Variants in NBPF12 observed in about 807,000 individuals in gnomAD.
NBPF12 encodes the protein NBPF member 12.
In NBPF12, 115 loss-of-function variants were observed where a neutral mutation model predicts 146.4. The ratio of observed to expected loss-of-function variants is 0.79; its 90% CI spans 0.68 to 0.92. NBPF12 has a LOEUF of 0.92. NBPF12 is among the 40% of genes least tolerant of loss of function. The pLI, the probability that NBPF12 is intolerant of heterozygous loss-of-function variation, is 0.00. For synonymous variants in NBPF12, 385 were observed against 508.9 expected (o/e 0.76, Z 3.28); for missense variants, 1,205 against 1,326.8 (o/e 0.91, Z 1.43).
At chr1:146,978,008 T>C (rs1657154504) in intron 18 of NBPF12, among the ~76,000 whole-genome samples, 3 of 151,990 alleles carry the variant, frequency 2.0e-5, no homozygotes, top group African/African-American at 7.3e-5. Flanking sequence ...TCCATGGAGT[T>C]TCTATGCCTG....
At chr1:146,970,130 T>A (rs1248339531) in intron 11 of NBPF12, among the ~76,000 whole-genome samples, 1 of 150,728 alleles carries the variant, frequency 6.6e-6, no homozygotes, top group African/African-American at 2.5e-5. Context: ...GCACTTGATG[T>A]GGGGGCATTT....
At chr1:146,949,818 C>CCACG (rs1655245100) in intron 1 of NBPF12, among the ~76,000 whole-genome samples, 1 of 151,960 alleles carries the variant, frequency 6.6e-6, no homozygotes, top group African/African-American at 2.4e-5. Context: ...ACTCCAGAGG[C>CCACG]CACGTGCTTT....
upstream of NBPF12, among the ~76,000 whole-genome samples, chr1:146,946,450 T>C (rs1229889705): frequency 8.0e-5 from 12 of 149,818 alleles, no homozygotes; most frequent in African/African-American, 3.0e-4. Context: ...ATTTTGAGCA[T>C]CTTTCTCATA....
Position 146,951,989 on chromosome 1 carries a change from A to G in NBPF12, c.-184+500A>G, listed in dbSNP as rs1570821624. 1.1e-4 allele frequency: 17 copies of G among 158,842 alleles called. No individual in the cohort carries two copies. The South Asian group carries it at 3.0e-3, about 28-fold the overall frequency. 9.8% of individuals were successfully genotyped at this position (158,842 alleles called of 1,614,324 possible). On this transcript the variant is annotated intron_variant, in intron 2 of 33. Transcript: ENST00000617844. ...ACATGCTTCCAAAAACAAAGTAGCC[A>G]AAAAGAAACCAGAGTCACAGAATAT... is the stretch of plus-strand genomic sequence containing the variant.
intron 7 of NBPF12, 93 bp downstream of exon 10, chr1:146,964,522 G>C: frequency 6.3e-7 from 1 of 1,580,066 alleles, no homozygotes. Flanking sequence ...TGGGCCAAAA[G>C]CCCGCATTCC....
At chr1:146,970,294 G>T (rs1656510857) in intron 11 of NBPF12, among the ~76,000 whole-genome samples, 1 of 150,794 alleles carries the variant, frequency 6.6e-6, no homozygotes, top group Non-Finnish European at 1.5e-5. Flanking sequence ...AATGAGGTTT[G>T]AAATGCGAAC....
In NBPF12 at chr1:146,964,513, G is replaced by T; in HGVS notation, c.566+84G>T. 7.6e-6 allele frequency: 12 copies of T among 1,587,314 alleles called. No homozygotes were observed. The Admixed American group carries it at 1.7e-4, about 22-fold the overall frequency. ...GCACACCCTCTCTGGCATCTATGGT[G>T]GGCCAAAAGCCCGCATTCCCTTGGC... On this transcript the variant is annotated intron_variant, in intron 7 of 33. Coordinates refer to ENST00000617844, the Ensembl canonical transcript of NBPF12.
At chr1:146,954,993 TATATATATATATATATATATAC>T (rs1655515093) in intron 2 of NBPF12, among the ~76,000 whole-genome samples, 2 of 64,500 alleles carry the variant, frequency 3.1e-5, no homozygotes, top group African/African-American at 1.5e-4. Flanking sequence ...TATATATATA[TATATATATATATATATATATAC>T]ACACACACAC....
At chr1:146,976,767 C>G (rs1184100345) in intron 16 of NBPF12, among the ~76,000 whole-genome samples, 162 bp from the exon 20 acceptor site, 1 of 150,042 alleles carries the variant, frequency 6.7e-6, no homozygotes, top group African/African-American at 2.5e-5. Context: ...CCTGATGGAC[C>G]AGGAAACCAT....
intron 9 of NBPF12, among the ~76,000 whole-genome samples, 198 bp downstream of exon 12, chr1:146,966,871 C>T (rs1302162127): frequency 1.3e-5 from 2 of 149,208 alleles, no homozygotes; most frequent in Non-Finnish European, 2.9e-5. Flanking sequence ...TGTTTGCAAT[C>T]AGGTGGGGGT....
exon 9 of NBPF12, chr1:146,966,662 A>G (rs1656232306): frequency 1.4e-6 from 2 of 1,393,010 alleles, no homozygotes; most frequent in East Asian, 2.3e-5. Context: ...GCCAAGCAGC[A>G]GAACAAATAC....
intron 12 of NBPF12, 81 bp downstream of exon 15, chr1:146,970,800 G>A (rs1373498219): frequency 4.2e-6 from 5 of 1,188,376 alleles, no homozygotes; most frequent in Non-Finnish European, 5.0e-6. Context: ...TGGCATCTAT[G>A]ATGGGCCAAA....
At chr1:146,978,670 C>A (rs1375088591) in intron 18 of NBPF12, among the ~76,000 whole-genome samples, 1 of 150,144 alleles carries the variant, frequency 6.7e-6, no homozygotes, top group Admixed American at 6.7e-5. Flanking sequence ...AATTGTTTGA[C>A]CAATTTTTGG....
chr1:146,972,719 A>T lies in NBPF12; in HGVS notation c.1592-32A>T, dbSNP rs1553886753. On this transcript the variant is annotated intron_variant, in intron 13 of 33. Transcript: ENST00000617844. ...GCCTATTTCATTTCATCAGTTTTTA[A>T]CCCATCATGTGTTTGCCTTTCTTCT... The T allele has an allele frequency of 7.7e-4, 1,064 of 1,379,250 alleles. 45 individuals carry two copies. The African/African-American group carries it at 0.014, about 18-fold the overall frequency. The allele number at this position is 1,379,250 out of a possible 1,614,324, so 85.4% of individuals were successfully genotyped here. A position where few individuals can be genotyped will look rare whatever the true frequency, so the allele number is the denominator to read the frequency against.
intron 9 of NBPF12, among the ~76,000 whole-genome samples, chr1:146,967,984 T>G (rs1442100659): frequency 8.2e-5 from 12 of 146,246 alleles, no homozygotes. Flanking sequence ...GATTAAAAAA[T>G]CAAAGATTTT....
chr1:146,938,447 C>T (rs1553882348), upstream of NBPF12, among the ~76,000 whole-genome samples: 640 of 152,154 alleles, frequency 4.2e-3, 9 homozygotes, highest in South Asian at 0.035. Context: ...TTCAAGTGGC[C>T]GGGGAAATCG....
chr1:146,940,487 T>G (rs1483993549), intron 1 of NBPF12, among the ~76,000 whole-genome samples: 1 of 148,772 alleles, frequency 6.7e-6, no homozygotes, highest in African/African-American at 2.5e-5. Flanking sequence ...GCCCGGGAGG[T>G]TGAGATTGCA....
At chr1:146,968,596 C>A in intron 10 of NBPF12, 46 bp downstream of exon 13, 1 of 1,531,172 alleles carries the variant, frequency 6.5e-7, no homozygotes, top group South Asian at 1.1e-5. Context: ...GTGTGTAAAT[C>A]TCTGAAGTAC....
At chr1:146,959,909 G>C in exon 3 of NBPF12, 2 of 238,720 alleles carry the variant, frequency 8.4e-6, no homozygotes, top group Non-Finnish European at 1.4e-5. Flanking sequence ...ATCAGAGTCT[G>C]AGCAGTGCTT....
Sources: gnomAD v4.1 joint callset for allele counts (sites outside exome capture counted in the v4.1 genomes callset) on GRCh38, gnomAD v4.1.1 for gene constraint, MANE v1.5 for transcripts, NCBI Gene and HGNC (gene_info 2026-07-23, HGNC 2026-07-21) for gene names.